The following CHRNB4 variants were observed in gnomAD, a reference collection of about 807,000 sequenced individuals.
CHRNB4 encodes neuronal acetylcholine receptor subunit beta-4.
Under a neutral mutation model 40.4 loss-of-function variants are expected in CHRNB4, and 23 were observed. The observed-to-expected ratio is 0.57, with a 90% confidence interval of 0.41 to 0.81. CHRNB4 has a LOEUF of 0.81. CHRNB4 is among the 30% of genes least tolerant of loss of function. The probability of loss-of-function intolerance (pLI) is 0.00; values close to 1 mark genes in which losing one functional copy is unlikely to be tolerated. For missense variants in CHRNB4, 568 were observed against 670.6 expected (o/e 0.85, Z 1.69); for synonymous variants, 285 against 274.4 (o/e 1.04, Z -0.38).
At chr15:78,650,630 G>A (rs2054164360) in intron 6 of CHRNB4, among the ~76,000 whole-genome samples, 1 of 152,230 alleles carries the variant, frequency 6.6e-6, no homozygotes, top group Non-Finnish European at 1.5e-5. Flanking sequence ...TGATTTGGAA[G>A]GCAGAAGGAA....
intron 5 of CHRNB4, among the ~76,000 whole-genome samples, chr15:78,628,569 C>T (rs555924931): frequency 6.6e-6 from 1 of 152,242 alleles, no homozygotes; most frequent in South Asian, 2.1e-4. Flanking sequence ...GGGGGGTGAT[C>T]CTGAGGCTTG....
At chr15:78,648,420 A>C (rs2054144294) in intron 7 of CHRNB4, among the ~76,000 whole-genome samples, 1 of 148,314 alleles carries the variant, frequency 6.7e-6, no homozygotes, top group Non-Finnish European at 1.5e-5. Context: ...GAAAAAGAAA[A>C]GGCATGGGGG....
rs1415310170 is a variant in CHRNB4, at chr15:78,630,178, T to G, written c.360-233A>C. Among the ~76,000 whole-genome samples the G allele has an allele frequency of 6.6e-4, 100 of 151,854 alleles. 1 individual carries two copies. Among genetic ancestry groups the G allele is most frequent in the East Asian group, 1.9e-4 (1 of 5,168 alleles). On this transcript the variant is annotated intron_variant, in intron 4 of 5. Coordinates refer to ENST00000261751, the MANE Select transcript of CHRNB4 (RefSeq NM_000750.5). Reference sequence around the variant, plus strand: ...TTTTTGAGACAGACTCTTGCTCTGTTGCCCAGGCTGAGTGCAATGGTGCAA... The same window carrying G: ...TTTTTGAGACAGACTCTTGCTCTGTGGCCCAGGCTGAGTGCAATGGTGCAA...
At chr15:78,661,160 G>A (rs1308322832), upstream of CHRNB4, 5 of 622,452 alleles carry the variant, frequency 8.0e-6, no homozygotes, top group Admixed American at 1.9e-5. Flanking sequence ...CCGAAATGCC[G>A]GTACACCTCT....
At position 78,647,690 on chromosome 15, in the gene CHRNB4, C is replaced by CAAAAAAAAA. The variant is rs57493774; in HGVS notation, c.46+1680_46+1688dup. ...TGAAACCCCGTCTCTACTAAAAATC[C>CAAAAAAAAA]AAAAAAAAAAAAAAAAAAAATTAGC... On this transcript the variant is annotated intron_variant and NMD_transcript_variant, in intron 7 of 11. Transcript: ENST00000559849. Among the ~76,000 whole-genome samples the CAAAAAAAAA allele has an allele frequency of 1.1e-4, 7 of 62,186 alleles. 1 individual carries two copies. The highest frequency in any genetic ancestry group is 2.2e-4 in the Non-Finnish European group (6 of 27,360). 40.8% of individuals were successfully genotyped at this position (62,186 alleles called of 152,430 possible). A position where few individuals can be genotyped will look rare whatever the true frequency, so the allele number is the denominator to read the frequency against.
At chr15:78,642,570 C>T (rs1215677820), upstream of CHRNB4, among the ~76,000 whole-genome samples, 5 of 152,110 alleles carry the variant, frequency 3.3e-5, no homozygotes, top group Admixed American at 6.5e-5. Context: ...GCTGCTGATC[C>T]GTGGTCTGTA....
intron 5 of CHRNB4, among the ~76,000 whole-genome samples, chr15:78,655,045 A>T (rs573669148): frequency 3.3e-4 from 51 of 152,284 alleles, no homozygotes; most frequent in African/African-American, 1.1e-3. Flanking sequence ...TTCACTCATG[A>T]AGCCAAAATT....
chr15:78,661,304 A>G, upstream of CHRNB4: 1 of 595,468 alleles, frequency 1.7e-6, no homozygotes, highest in South Asian at 1.4e-5. Flanking sequence ...GGTCACACAC[A>G]GTGCACACAC....
intron 6 of CHRNB4, among the ~76,000 whole-genome samples, chr15:78,650,867 T>C (rs2054166364): frequency 6.6e-6 from 1 of 152,078 alleles, no homozygotes; most frequent in Non-Finnish European, 1.5e-5. Flanking sequence ...GTCTAAGATG[T>C]GGGGAGAGGT....
chr15:78,657,981 G>A (rs941778003), intron 2 of CHRNB4, among the ~76,000 whole-genome samples: 1 of 151,448 alleles, frequency 6.6e-6, no homozygotes, highest in African/African-American at 2.4e-5. Context: ...TTTTGATTCT[G>A]GGGACACATA....
chr15:78,641,531 T>C (rs944872250), upstream of CHRNB4, among the ~76,000 whole-genome samples: 3 of 152,198 alleles, frequency 2.0e-5, no homozygotes, highest in Admixed American at 2.0e-4. Context: ...GGGGAGGTCC[T>C]TGGGCTTTGC....
intron 1 of CHRNB4, among the ~76,000 whole-genome samples, chr15:78,640,444 G>A (rs2054045320): frequency 6.6e-6 from 1 of 152,240 alleles, no homozygotes; most frequent in South Asian, 2.1e-4. Context: ...TCGGGTGGGT[G>A]ACCAGAGGCA....
chr15:78,625,985 G>A (rs1397647084), intron 5 of CHRNB4: 3 of 152,456 alleles, frequency 2.0e-5, no homozygotes, highest in African/African-American at 7.2e-5. Flanking sequence ...TGTGTGCCCA[G>A]GGTCCTGGCC....
chr15:78,661,583 T>A, upstream of CHRNB4: 1 of 521,636 alleles, frequency 1.9e-6, no homozygotes, highest in Non-Finnish European at 3.8e-6. Context: ...TTTTTGGTCC[T>A]TGTTGGGGCG....
At chr15:78,660,912 C>A (rs2054247016), upstream of CHRNB4, 1 of 377,238 alleles carries the variant, frequency 2.7e-6, no homozygotes, top group Admixed American at 3.7e-5. Flanking sequence ...CACGTGCACA[C>A]AATTGCCTGG....
chr15:78,630,435 G>GC (rs1222394559), intron 4 of CHRNB4, among the ~76,000 whole-genome samples: 1 of 152,106 alleles, frequency 6.6e-6, no homozygotes, highest in Non-Finnish European at 1.5e-5. Flanking sequence ...ACCACACCCG[G>GC]CCCATCAAGC....
At position 78,624,747 on chromosome 15, in the gene CHRNB4, G is replaced by C. The variant is rs918038520; in HGVS notation, c.*386C>G. 3.6e-5 allele frequency: 16 copies of C among 439,080 alleles called. No homozygotes were observed. Among genetic ancestry groups the C allele is most frequent in the Admixed American group, 3.2e-4 (8 of 25,322 alleles). The allele number at this position is 439,080 out of a possible 1,614,324, so 27.2% of individuals were successfully genotyped here. ...AAATGCCAAGCCTCTGAGCTGGGAAGAATCTAGAAGTGTGTGAGGAACTGG... is the reference window on the plus strand; with the variant it reads ...AAATGCCAAGCCTCTGAGCTGGGAACAATCTAGAAGTGTGTGAGGAACTGG... On this transcript the variant is annotated 3_prime_UTR_variant, in exon 6 of 6. Coordinates refer to ENST00000261751, the MANE Select transcript of CHRNB4 (RefSeq NM_000750.5).
chr15:78,652,293 G>A (rs897509103), intron 6 of CHRNB4, among the ~76,000 whole-genome samples: 2 of 151,078 alleles, frequency 1.3e-5, no homozygotes, highest in Non-Finnish European at 2.9e-5. Context: ...ACCTTCGCTG[G>A]CTGCTTTATA....
chr15:78,639,590 G>C (rs1166560947), intron 1 of CHRNB4, among the ~76,000 whole-genome samples: 1 of 152,160 alleles, frequency 6.6e-6, no homozygotes, highest in African/African-American at 2.4e-5. Flanking sequence ...GAGCCACCGC[G>C]CCTGGCCTAT....
Sources: gnomAD v4.1 joint callset for allele counts (sites outside exome capture counted in the v4.1 genomes callset) on GRCh38, gnomAD v4.1.1 for gene constraint, MANE v1.5 for transcripts, NCBI Gene and HGNC (gene_info 2026-07-23, HGNC 2026-07-21) for gene names.